SLC39A9: variants seen among roughly 807,000 people sequenced by gnomAD.
SLC39A9 encodes solute carrier family 39 member 9, also known as zinc transporter ZIP9.
In SLC39A9, 14 loss-of-function variants were observed where a neutral mutation model predicts 28.4. The observed-to-expected ratio is 0.49, with a 90% CI of 0.33 to 0.77. The LOEUF is 0.77. SLC39A9 is among the 30% of genes least tolerant of loss of function. The probability of loss-of-function intolerance (pLI) is 0.02; values close to 1 mark genes in which losing one functional copy is unlikely to be tolerated. For missense variants in SLC39A9, 283 were observed against 381.1 expected (o/e 0.74, Z 2.14); for synonymous variants, 119 against 149.6 (o/e 0.80, Z 1.49).
intron 2 of SLC39A9, among the ~76,000 whole-genome samples, chr14:69,433,679 C>G (rs1884600387): frequency 6.6e-6 from 1 of 152,154 alleles, no homozygotes; most frequent in African/African-American, 2.4e-5. Flanking sequence ...TTGTGTCTTT[C>G]AAGTAATTGA....
chr14:69,415,281 A>G (rs1391194020), intron 1 of SLC39A9, among the ~76,000 whole-genome samples: 1 of 152,156 alleles, frequency 6.6e-6, no homozygotes, highest in Non-Finnish European at 1.5e-5. Context: ...TATATCTTGT[A>G]ATTATTTAAA....
chr14:69,442,686 G>A (rs1481360178), intron 3 of SLC39A9, among the ~76,000 whole-genome samples: 1 of 152,158 alleles, frequency 6.6e-6, no homozygotes, highest in East Asian at 1.9e-4. Flanking sequence ...TTGTGATATA[G>A]TAATGTATGT....
At chr14:69,456,000 G>A in intron 6 of SLC39A9, 134 bp downstream of exon 6, 7 of 1,016,012 alleles carry the variant, frequency 6.9e-6, no homozygotes, top group South Asian at 3.8e-5. Flanking sequence ...AACTATACAG[G>A]GTAAATATCT....
At chr14:69,404,442 A>AT (rs1882802869) in intron 1 of SLC39A9, among the ~76,000 whole-genome samples, 9 of 152,236 alleles carry the variant, frequency 5.9e-5, no homozygotes, top group Admixed American at 5.9e-4. Context: ...TTGAAATAAT[A>AT]TAAGCACAGG....
upstream of SLC39A9, chr14:69,398,551 T>G: frequency 2.1e-6 from 1 of 486,810 alleles, no homozygotes; most frequent in Non-Finnish European, 3.7e-6. Context: ...ATCACCGGTA[T>G]AGACAGTGAC....
At chr14:69,428,433 C>T (rs1279624078) in intron 2 of SLC39A9, 1 of 152,330 alleles carries the variant, frequency 6.6e-6, no homozygotes, top group African/African-American at 2.4e-5. Flanking sequence ...TAATTTTGTT[C>T]TTGCCCTAAC....
Position 69,398,692 on chromosome 14 carries a change from G to A in SLC39A9, c.-678G>A, listed in dbSNP as rs1026030743. On this transcript the variant is annotated 5_prime_UTR_variant, in exon 1 of 7. Coordinates refer to ENST00000336643, the MANE Select transcript of SLC39A9 (RefSeq NM_018375.5). ...TAGACAATCCGGAAGTGGATGGAAT[G>A]AAGAGATGCCACTTGGCGGCCATGG... 2 of 239,138 alleles carry A rather than the reference G, an allele frequency of 8.4e-6. No homozygotes were observed. The highest frequency in any genetic ancestry group is 1.7e-5 in the Non-Finnish European group (2 of 119,096). 14.8% of individuals were successfully genotyped at this position (239,138 alleles called of 1,614,324 possible).
chr14:69,406,368 G>A (rs554187457), intron 1 of SLC39A9, among the ~76,000 whole-genome samples: 288 of 152,312 alleles, frequency 1.9e-3, no homozygotes, highest in African/African-American at 6.5e-3. Context: ...CAGGTTAGTC[G>A]TAAATTGTGC....
rs1882451663 is a variant in SLC39A9 at position 69,398,768 on chromosome 14, A to G, written c.-602A>G. ...TCAAGGCCCGGTCGAGTGCAGTACC[A>G]TGGGCAGCACCGGGTATAGGGCAGA... is the stretch of plus-strand genomic sequence containing the variant. On this transcript the variant is annotated 5_prime_UTR_variant, in exon 1 of 7. The change abolishes an upstream ATG in the 5' untranslated region. Transcript: ENST00000336643. 2.4e-5 allele frequency: 5 copies of G among 208,440 alleles called. No homozygotes were observed. In the South Asian group the frequency reaches 3.0e-4, roughly 13 times the overall value. 12.9% of individuals were successfully genotyped at this position (208,440 alleles called of 1,614,324 possible).
At chr14:69,447,745 CTACAAAAAAA>C (rs1170287502) in intron 3 of SLC39A9, among the ~76,000 whole-genome samples, 1 of 151,650 alleles carries the variant, frequency 6.6e-6, no homozygotes, top group Admixed American at 6.6e-5. Flanking sequence ...AACCTTTTTT[CTACAAAAAAA>C]TACAAAAATT....
intron 3 of SLC39A9, among the ~76,000 whole-genome samples, chr14:69,443,604 C>T (rs966213756): frequency 6.6e-6 from 1 of 152,218 alleles, no homozygotes; most frequent in African/African-American, 2.4e-5. Context: ...GTCACCATGA[C>T]TCACCTGTAA....
rs1296654906 is a variant in SLC39A9, at chr14:69,424,205, G to A, written c.205+3G>A. 2 of 1,599,698 alleles carry A rather than the reference G, an allele frequency of 1.3e-6. No homozygotes were observed. The highest frequency in any genetic ancestry group is 1.1e-5 in the South Asian group (1 of 90,748). On this transcript the variant is annotated splice_donor_region_variant and intron_variant, in intron 2 of 6. Coordinates refer to ENST00000336643, the MANE Select transcript of SLC39A9 (RefSeq NM_018375.5). ...CCTTTATGAAGATATTCTTGAGGGT[G>A]AGAAAGGGAAGAGCATTATTTGAGA...
At chr14:69,416,742 A>G (rs1300099312) in intron 1 of SLC39A9, among the ~76,000 whole-genome samples, 1 of 151,996 alleles carries the variant, frequency 6.6e-6, no homozygotes, top group Non-Finnish European at 1.5e-5. Context: ...GCATTTTTTC[A>G]TGTGTCTGTT....
intron 2 of SLC39A9, among the ~76,000 whole-genome samples, chr14:69,427,939 A>T (rs906038408): frequency 3.9e-5 from 6 of 152,192 alleles, no homozygotes; most frequent in Non-Finnish European, 7.4e-5. Context: ...CATCAAATTT[A>T]TGGGGAAGGT....
chr14:69,449,971 A>C (rs1053148746), intron 3 of SLC39A9, among the ~76,000 whole-genome samples: 8 of 151,870 alleles, frequency 5.3e-5, no homozygotes, highest in African/African-American at 1.7e-4. Flanking sequence ...GTGAATCATG[A>C]GGTCAGGGGT....
intron 3 of SLC39A9, among the ~76,000 whole-genome samples, chr14:69,446,196 C>A (rs1885291538): frequency 6.6e-6 from 1 of 151,766 alleles, no homozygotes; most frequent in Admixed American, 6.6e-5. Context: ...CAAGAAAGAA[C>A]CCCTATAGGG....
chr14:69,408,433 G>A (rs911834984), intron 1 of SLC39A9, among the ~76,000 whole-genome samples: 45 of 152,180 alleles, frequency 3.0e-4, no homozygotes, highest in Non-Finnish European at 1.0e-4. Context: ...AAATAAGGCT[G>A]AACAGAGAAT....
intron 2 of SLC39A9, among the ~76,000 whole-genome samples, chr14:69,435,151 T>C (rs1884680714): frequency 6.6e-6 from 1 of 152,238 alleles, no homozygotes; most frequent in African/African-American, 2.4e-5. Flanking sequence ...AGTATTGAAG[T>C]CTTCAAATAT....
At chr14:69,422,663 C>T (rs980394696) in intron 1 of SLC39A9, among the ~76,000 whole-genome samples, 1 of 152,116 alleles carries the variant, frequency 6.6e-6, no homozygotes, top group African/African-American at 2.4e-5. Context: ...CTGCTTACTG[C>T]AACCTTCACC....
Sources: allele counts gnomAD v4.1 joint callset (sites outside exome capture counted in the v4.1 genomes callset), GRCh38; gene constraint gnomAD v4.1.1; transcripts MANE v1.5; gene names NCBI Gene and HGNC (gene_info 2026-07-23, HGNC 2026-07-21).